The following SLCO3A1 variants were observed in gnomAD, a reference collection of about 807,000 sequenced individuals.
SLCO3A1 encodes the protein solute carrier organic anion transporter family member 3A1, also known as PGE1 transporter.
Under a neutral mutation model 63.1 loss-of-function variants are expected in SLCO3A1, and 27 were observed. That is an observed-to-expected ratio of 0.43 (90% CI 0.32 to 0.59). The LOEUF is 0.59. SLCO3A1 is among the 20% of genes least tolerant of loss of function. The pLI, the probability that SLCO3A1 is intolerant of heterozygous loss-of-function variation, is 0.09. For synonymous variants in SLCO3A1, 473 were observed against 409.9 expected (o/e 1.15, Z -1.86); for missense variants, 773 against 945.8 (o/e 0.82, Z 2.40).
chr15:92,067,402 A>G (rs1266948049), intron 2 of SLCO3A1, among the ~76,000 whole-genome samples: 3 of 149,100 alleles, frequency 2.0e-5, no homozygotes, highest in Non-Finnish European at 4.5e-5. Flanking sequence ...TCCCCGAGGG[A>G]GAAGTGAGAC....
In SLCO3A1 at chr15:92,053,704, T is replaced by G. The variant is rs557556986; in HGVS notation, c.647-41177T>G. Among the ~76,000 whole-genome samples, 310 of 151,264 alleles carry G rather than the reference T, an allele frequency of 2.0e-3. 8 individuals are homozygous for G. The highest frequency in any genetic ancestry group is 7.1e-3 in the African/African-American group (294 of 41,238). On this transcript the variant is annotated intron_variant, in intron 2 of 9. Transcript: ENST00000318445. ...TTTTTGTTTGTTTGTTTGTTTTTTT[T>G]TTTTTTACTTCTCATGGTTAAACTG... is the stretch of plus-strand genomic sequence containing the variant.
At chr15:92,023,225 A>G (rs74368896) in intron 2 of SLCO3A1, among the ~76,000 whole-genome samples, 82 of 152,300 alleles carry the variant, frequency 5.4e-4, no homozygotes, top group African/African-American at 1.9e-3. Flanking sequence ...CCTTACAAGG[A>G]TAAACTTCAG....
At chr15:92,135,376 G>T (rs989146523) in intron 7 of SLCO3A1, among the ~76,000 whole-genome samples, 7 of 152,198 alleles carry the variant, frequency 4.6e-5, no homozygotes, top group Admixed American at 4.6e-4. Flanking sequence ...CAGGTTACCG[G>T]GGTGCAAGGT....
At chr15:91,992,961 C>CA (rs2151445789) in intron 2 of SLCO3A1, among the ~76,000 whole-genome samples, 1 of 152,280 alleles carries the variant, frequency 6.6e-6, no homozygotes, top group African/African-American at 2.4e-5. Context: ...TTTTGAGAAA[C>CA]AAGAGTCTAA....
chr15:91,963,115 C>T (rs777212749), intron 2 of SLCO3A1, among the ~76,000 whole-genome samples: 4 of 151,904 alleles, frequency 2.6e-5, no homozygotes, highest in Non-Finnish European at 4.4e-5. Context: ...TTGGGGAGTT[C>T]CTTCAGACCC....
intron 2 of SLCO3A1, among the ~76,000 whole-genome samples, chr15:91,971,410 A>AAAAG (rs59113249): frequency 6.9e-6 from 1 of 145,886 alleles, no homozygotes; most frequent in Admixed American, 7.0e-5. Context: ...AAAAAAAAAA[A>AAAAG]GCAACCTCTT....
chr15:92,148,361 C>T (rs1220520005), intron 8 of SLCO3A1, among the ~76,000 whole-genome samples: 1 of 152,218 alleles, frequency 6.6e-6, no homozygotes, highest in African/African-American at 2.4e-5. Context: ...CAGCTTCTCT[C>T]TCACTTTGCC....
At position 92,091,117 on chromosome 15, in the gene SLCO3A1, C is replaced by T. The variant is rs1264057864; in HGVS notation, c.647-3764C>T. On this transcript the variant is annotated intron_variant, in intron 2 of 9. Transcript: ENST00000318445. ...CAACGTGCTGGGGCCAGGTGCTGAA[C>T]CACTCTAAGATTCTGTTTTTCCGCT... Among the ~76,000 whole-genome samples, 3 of 152,182 alleles carry T rather than the reference C, an allele frequency of 2.0e-5. No individual in the cohort carries two copies. In the East Asian group the frequency reaches 5.8e-4, roughly 29 times the overall value.
intron 2 of SLCO3A1, among the ~76,000 whole-genome samples, chr15:92,091,612 T>G (rs1257411117): frequency 2.0e-5 from 3 of 152,224 alleles, no homozygotes; most frequent in Non-Finnish European, 4.4e-5. Flanking sequence ...CACTTCCCGA[T>G]GCACGAAGGC....
chr15:91,901,918 C>T (rs1462024143), intron 1 of SLCO3A1, among the ~76,000 whole-genome samples: 1 of 150,718 alleles, frequency 6.6e-6, no homozygotes, highest in Non-Finnish European at 1.5e-5. Context: ...TTTTTTCTGC[C>T]TCTTTCTCTT....
intron 2 of SLCO3A1, among the ~76,000 whole-genome samples, chr15:91,919,480 C>T (rs1021030783): frequency 3.9e-5 from 6 of 152,334 alleles, no homozygotes; most frequent in Middle Eastern, 3.4e-3. Flanking sequence ...TGCAGCCAGA[C>T]GGTGACCCGT....
chr15:92,136,118 G>A (rs1328067484), intron 7 of SLCO3A1, among the ~76,000 whole-genome samples: 2 of 152,090 alleles, frequency 1.3e-5, no homozygotes, highest in Non-Finnish European at 2.9e-5. Flanking sequence ...TCTGAAAAAA[G>A]GAAAGAGAAA....
intron 2 of SLCO3A1, among the ~76,000 whole-genome samples, chr15:91,927,296 CTTTTTT>C (rs951071362): frequency 6.9e-6 from 1 of 145,400 alleles, no homozygotes. Flanking sequence ...AAAATCAAAA[CTTTTTT>C]TTTTTTAGTT....
chr15:92,113,409 G>A (rs1197130621), intron 4 of SLCO3A1, among the ~76,000 whole-genome samples: 1 of 152,144 alleles, frequency 6.6e-6, no homozygotes, highest in Non-Finnish European at 1.5e-5. Context: ...ATCCCCGCCA[G>A]CCCGCACCCA....
intron 2 of SLCO3A1, among the ~76,000 whole-genome samples, chr15:92,084,829 C>G (rs1313755804): frequency 6.6e-6 from 1 of 152,178 alleles, no homozygotes; most frequent in Non-Finnish European, 1.5e-5. Context: ...ACATTTTTCT[C>G]AAACAATGCA....
At chr15:92,042,906 G>C (rs1460945835) in intron 2 of SLCO3A1, among the ~76,000 whole-genome samples, 1 of 152,116 alleles carries the variant, frequency 6.6e-6, no homozygotes, top group Non-Finnish European at 1.5e-5. Flanking sequence ...GTCATCAGCA[G>C]GTGTTAAGGT....
chr15:92,032,190 G>A (rs1404446820), intron 2 of SLCO3A1, among the ~76,000 whole-genome samples: 2 of 152,194 alleles, frequency 1.3e-5, no homozygotes, highest in Admixed American at 6.5e-5. Flanking sequence ...GAAAAGGCTG[G>A]CATTAAATAT....
intron 2 of SLCO3A1, among the ~76,000 whole-genome samples, chr15:92,016,303 T>C (rs1225383439): frequency 7.8e-6 from 1 of 127,416 alleles, no homozygotes; most frequent in African/African-American, 2.9e-5. Flanking sequence ...ATATATATTA[T>C]GTATTTGATA....
intron 1 of SLCO3A1, among the ~76,000 whole-genome samples, chr15:91,892,083 C>A (rs779043415): frequency 6.6e-6 from 1 of 152,216 alleles, no homozygotes; most frequent in South Asian, 2.1e-4. Flanking sequence ...CCCCTCCCCC[C>A]AGCTTTGCCC....
Sources: gnomAD v4.1 joint callset for allele counts (sites outside exome capture counted in the v4.1 genomes callset) on GRCh38, gnomAD v4.1.1 for gene constraint, MANE v1.5 for transcripts, NCBI Gene and HGNC (gene_info 2026-07-23, HGNC 2026-07-21) for gene names.